PRSS23: variants seen among roughly 807,000 people sequenced by gnomAD.
PRSS23 encodes serine protease 23.
A neutral mutation model predicts 34.7 loss-of-function variants in PRSS23; 25 were observed. That is an observed-to-expected ratio of 0.72 (90% CI 0.53 to 1.01). PRSS23 has a LOEUF of 1.01. PRSS23 is among the 50% of genes least tolerant of loss of function. The pLI is 0.00. For synonymous variants in PRSS23, 176 were observed against 186.6 expected (o/e 0.94, Z 0.46); for missense variants, 445 against 475.6 (o/e 0.94, Z 0.60).
intron 2 of PRSS23, among the ~76,000 whole-genome samples, chr11:86,905,931 GA>G (rs1300446378): frequency 1.3e-5 from 2 of 152,250 alleles, no homozygotes; most frequent in African/African-American, 4.8e-5. Context: ...AGGTGAGGAT[GA>G]AAGATGAGAT....
At chr11:86,919,841 CT>C (rs1949036394) in intron 2 of PRSS23, among the ~76,000 whole-genome samples, 1 of 152,182 alleles carries the variant, frequency 6.6e-6, no homozygotes, top group Admixed American at 6.5e-5. Context: ...CCAAGGGTAT[CT>C]TTGCCTGTTC....
chr11:86,915,489 C>T (rs1190785843), intron 2 of PRSS23, among the ~76,000 whole-genome samples: 1 of 150,462 alleles, frequency 6.6e-6, no homozygotes, highest in South Asian at 2.1e-4. Context: ...AGAAAAGAGG[C>T]CGGTGATGTC....
At chr11:86,828,343 C>T (rs1229359348) in intron 2 of PRSS23, among the ~76,000 whole-genome samples, 2 of 151,954 alleles carry the variant, frequency 1.3e-5, no homozygotes, top group Non-Finnish European at 2.9e-5. Context: ...TTTCCATTTG[C>T]TTGGTAGATC....
intron 2 of PRSS23, among the ~76,000 whole-genome samples, chr11:86,939,640 C>T (rs1949193789): frequency 6.6e-6 from 1 of 150,990 alleles, no homozygotes; most frequent in African/African-American, 2.4e-5. Context: ...GGATTATTTG[C>T]ATTTATTTCT....
chr11:86,850,362 G>A (rs367809926), intron 2 of PRSS23, among the ~76,000 whole-genome samples: 38 of 152,228 alleles, frequency 2.5e-4, no homozygotes, highest in African/African-American at 8.2e-4. Flanking sequence ...GAAGTAGCTA[G>A]AAGAACCACC....
At chr11:86,944,988 G>A (rs761305922) in intron 2 of PRSS23, among the ~76,000 whole-genome samples, 21 of 152,166 alleles carry the variant, frequency 1.4e-4, no homozygotes, top group Non-Finnish European at 2.2e-4. Context: ...ATCAGCAGAC[G>A]GTGATGGCTC....
At chr11:86,829,680 T>A (rs1482631694) in intron 2 of PRSS23, among the ~76,000 whole-genome samples, 1 of 152,280 alleles carries the variant, frequency 6.6e-6, no homozygotes, top group East Asian at 1.9e-4. Context: ...TGGATGTCCT[T>A]TCTGTTTGTT....
At chr11:86,905,725 T>A (rs1948937433) in intron 2 of PRSS23, among the ~76,000 whole-genome samples, 1 of 152,208 alleles carries the variant, frequency 6.6e-6, no homozygotes, top group Non-Finnish European at 1.5e-5. Context: ...CTGTCAAGCT[T>A]AATAGAAGGC....
chr11:86,951,718 A>G, exon 3 of PRSS23: 1 of 1,614,212 alleles, frequency 6.2e-7, no homozygotes. Context: ...CAATGTGGAA[A>G]TAAGAGCTGT....
chr11:86,941,854 T>C (rs559645393), intron 2 of PRSS23, among the ~76,000 whole-genome samples: 2 of 152,180 alleles, frequency 1.3e-5, no homozygotes, highest in Non-Finnish European at 2.9e-5. Flanking sequence ...TTCCTTCCTA[T>C]GGTGGCCATG....
rs921516036 is a variant in PRSS23 at position 86,800,573 on chromosome 11, A to G, written c.-92A>G. 1 of 984,190 alleles carries G rather than the reference A, an allele frequency of 1.0e-6. No homozygotes were observed. Among genetic ancestry groups the G allele is most frequent in the African/African-American group, 1.8e-5 (1 of 56,912 alleles). 61.0% of individuals were successfully genotyped at this position (984,190 alleles called of 1,614,324 possible). The stretch of plus-strand genomic sequence containing the variant: ...GGCTGTGCGGCGGGGCAGGCATGGG[A>G]GCCGCGCGCTCTCTCCCGGCGCCCA... On this transcript the variant is annotated 5_prime_UTR_variant, in exon 1 of 2. Transcript: ENST00000280258.
At position 86,826,304 on chromosome 11, in the gene PRSS23, T is replaced by G. The variant is rs539985544; in HGVS notation, c.206+2711T>G. On this transcript the variant is annotated intron_variant, in intron 2 of 2. Coordinates refer to the PRSS23 transcript ENST00000533902. The stretch of plus-strand genomic sequence containing the variant: ...TTTGGCTCTCTGTTTGTCTGTTATT[T>G]GTGTATAAGAATGCTTGTGATTTTT... Among the ~76,000 whole-genome samples, 222 of 151,832 alleles carry G rather than the reference T, an allele frequency of 1.5e-3. 1 individual carries two copies. The highest frequency in any genetic ancestry group is 4.3e-3 in the African/African-American group (177 of 41,274).
chr11:86,829,837 G>T (rs944509756), intron 2 of PRSS23, among the ~76,000 whole-genome samples: 2 of 151,842 alleles, frequency 1.3e-5, no homozygotes, highest in East Asian at 3.9e-4. Flanking sequence ...CTGTCTGATC[G>T]TTCCTCTGGA....
rs780777677 is a variant in PRSS23 at position 86,807,841 on chromosome 11, A to G, written c.198A>G (p.Gly66=). The G allele has an allele frequency of 6.2e-7, 1 of 1,613,924 alleles. No individual in the cohort carries two copies. The highest frequency in any genetic ancestry group is 1.3e-5 in the African/African-American group (1 of 74,856). ...AATTAGAAGTATCTTCTTCATGTGG[A>G]CCCCAGTGTCATAAGGGAACTCCAC... is the stretch of plus-strand genomic sequence containing the variant. The part of the protein sequence containing the change: ...EAKLEVSSSC[G]PQCHKGTPLP... Residue 66 remains glycine, a synonymous_variant, in exon 2 of 2, where the codon GGA becomes GGG. Transcript: ENST00000280258.
At chr11:86,815,729 A>G (rs1298848932), downstream of PRSS23, among the ~76,000 whole-genome samples, 1 of 152,202 alleles carries the variant, frequency 6.6e-6, no homozygotes, top group Admixed American at 6.5e-5. Context: ...TATTTGTGAG[A>G]AAGTGAGTGT....
intron 2 of PRSS23, among the ~76,000 whole-genome samples, chr11:86,939,373 C>CA (rs1392671407): frequency 2.0e-5 from 2 of 102,036 alleles, no homozygotes; most frequent in Non-Finnish European, 4.7e-5. Flanking sequence ...ATAATTTTTC[C>CA]AGTGTTCCTA....
At chr11:86,830,850 G>A (rs1388533530) in intron 2 of PRSS23, among the ~76,000 whole-genome samples, 1 of 152,068 alleles carries the variant, frequency 6.6e-6, no homozygotes, top group Non-Finnish European at 1.5e-5. Context: ...CTAGGGAGAT[G>A]TTCCTCCTAA....
At chr11:86,930,685 G>C (rs1346648118) in intron 2 of PRSS23, among the ~76,000 whole-genome samples, 1 of 152,070 alleles carries the variant, frequency 6.6e-6, no homozygotes, top group Non-Finnish European at 1.5e-5. Context: ...AGCTGCTGGG[G>C]AGGCTGAGGC....
intron 2 of PRSS23, chr11:86,896,581 T>C (rs1007956069): frequency 1.3e-5 from 2 of 152,224 alleles, no homozygotes; most frequent in Non-Finnish European, 2.9e-5. Context: ...CCCCCAAACA[T>C]CTGTTCAGTC....
Sources: gnomAD v4.1 joint callset for allele counts (sites outside exome capture counted in the v4.1 genomes callset) on GRCh38, gnomAD v4.1.1 for gene constraint, MANE v1.5 for transcripts, NCBI Gene and HGNC (gene_info 2026-07-23, HGNC 2026-07-21) for gene names.